STOML1: variants seen among roughly 807,000 people sequenced by gnomAD.
STOML1 encodes the protein stomatin like 1, also known as stomatin-like protein 1.
In STOML1, 27 loss-of-function variants were observed where a neutral mutation model predicts 35.7. The observed-to-expected ratio is 0.76, with a 90% CI of 0.56 to 1.04. The LOEUF (loss-of-function observed/expected upper bound fraction) is 1.04. Ranked by LOEUF, STOML1 falls within the 50% of genes least tolerant of loss-of-function variation. The pLI, the probability that STOML1 is intolerant of heterozygous loss-of-function variation, is 0.00. For synonymous variants in STOML1, 219 were observed against 227.9 expected (o/e 0.96, Z 0.35); for missense variants, 451 against 527.1 (o/e 0.86, Z 1.41).
chr15:73,984,478 G>A (rs200088252), intron 6 of STOML1, among the ~76,000 whole-genome samples, 181 bp downstream of exon 6: 4 of 152,220 alleles, frequency 2.6e-5, no homozygotes, highest in South Asian at 2.1e-4. Flanking sequence ...ATTGTCCTGC[G>A]GATGGCGGGG....
At chr15:73,989,370 A>G in intron 2 of STOML1, 113 bp from the exon 3 acceptor site, 1 of 1,270,794 alleles carries the variant, frequency 7.9e-7, no homozygotes, top group South Asian at 1.9e-5. Flanking sequence ...ACAGTTAGGT[A>G]TCCCTAGCAC....
chr15:73,985,331 C>T lies in STOML1; in HGVS notation c.777G>A (p.Pro259=), dbSNP rs150277815. The change falls in exon 5 of 7, where the codon CCG becomes CCA. Residue 259 remains proline (P), a synonymous_variant. Transcript: ENST00000541638. ...AGGGCTCCTCACCTGGCCCCGGGGA[C>T]GGGGCACCTCCTGCCATTGAGTTCA... ...GSMNSMAGGA[P]SPGPADTVEM... 2.3e-5 allele frequency: 35 copies of T among 1,533,970 alleles called. No homozygotes were observed. The Admixed American group carries it at 3.2e-4, about 14-fold the overall frequency.
intron 1 of STOML1, chr15:73,991,570 A>G (rs1358281174): frequency 4.4e-6 from 2 of 456,584 alleles, no homozygotes; most frequent in Non-Finnish European, 8.8e-6. Flanking sequence ...CAAAGGAGCC[A>G]CAGAAGACTT....
At position 73,989,205 on chromosome 15, in the gene STOML1, G is replaced by A; in HGVS notation, c.293C>T (p.Thr98Ile). ...CAGAACCATGCCAGGTCCCTGGGGG[G>A]TGCGGATCCGGCCCAGGCGGAACAC... is the stretch of plus-strand genomic sequence containing the variant. The part of the protein sequence containing the change: ...MIVFRLGRIR[T>I]PQGPGMVLLL... Residue 98 changes from threonine to isoleucine, a missense_variant, in exon 3 of 7, where the codon ACC (threonine) becomes ATC (isoleucine). Coordinates refer to ENST00000541638, the MANE Select transcript of STOML1 (RefSeq NM_004809.5). The A allele has an allele frequency of 6.8e-6, 11 of 1,611,798 alleles. No homozygotes were observed. The highest frequency in any genetic ancestry group is 1.3e-5 in the African/African-American group (1 of 74,998).
chr15:73,991,096 G>T, intron 1 of STOML1: 1 of 774,496 alleles, frequency 1.3e-6, no homozygotes, highest in Non-Finnish European at 1.6e-6. Context: ...CCAGCCTGGG[G>T]GACAGAGCGA....
In STOML1 at chr15:73,992,047, C is replaced by A. The variant is rs1355489660; in HGVS notation, c.133+44G>T. The A allele has an allele frequency of 7.2e-6, 11 of 1,517,432 alleles. No individual in the cohort carries two copies. The East Asian group carries it at 2.5e-4, about 35-fold the overall frequency. The allele number at this position is 1,517,432 out of a possible 1,614,324, so 94.0% of individuals were successfully genotyped here. ...GGCAGAGATTCGGGCCTGGGGGTTG[C>A]CGGCCGGTCCCCCCCGGCTCCGCCG... On this transcript the variant is annotated intron_variant, in intron 1 of 6. Coordinates refer to ENST00000541638, the MANE Select transcript of STOML1 (RefSeq NM_004809.5).
intron 1 of STOML1, 93 bp downstream of exon 1, chr15:73,991,998 C>A: frequency 6.9e-7 from 1 of 1,451,210 alleles, no homozygotes. Context: ...GGTGCGACGG[C>A]ACCGGGCCGG....
At chr15:73,986,368 T>C (rs2069102048) in intron 4 of STOML1, 1 of 151,122 alleles carries the variant, frequency 6.6e-6, no homozygotes, top group Non-Finnish European at 1.5e-5. Context: ...TTTTTACTAC[T>C]GTAAGCTTGA....
In STOML1 at chr15:73,982,119, T is replaced by C. The variant is rs1256976996; in HGVS notation, c.*1818A>G. ...TTCCTGGGCAGCCCTTCATATACTG[T>C]GTAATAGCAATGGAAGGAATCCACA... On this transcript the variant is annotated 3_prime_UTR_variant, in exon 7 of 7. Transcript: ENST00000541638. 6.6e-6 allele frequency: 1 copy of C among 152,194 alleles called. No homozygotes were observed. Among genetic ancestry groups the C allele is most frequent in the Non-Finnish European group, 1.5e-5 (1 of 68,126 alleles). 9.4% of individuals were successfully genotyped at this position (152,194 alleles called of 1,614,324 possible). A position where few individuals can be genotyped will look rare whatever the true frequency, so the allele number is the denominator to read the frequency against.
upstream of STOML1, among the ~76,000 whole-genome samples, chr15:73,992,903 A>C (rs890655667): frequency 1.3e-5 from 2 of 152,172 alleles, no homozygotes; most frequent in Non-Finnish European, 2.9e-5. Flanking sequence ...GACATGCCAT[A>C]TCTGGACTTT....
At chr15:73,991,842 G>T in intron 1 of STOML1, 1 of 615,810 alleles carries the variant, frequency 1.6e-6, no homozygotes, top group Non-Finnish European at 2.9e-6. Flanking sequence ...AATGTGGTGA[G>T]GTGAGGTTTT....
At chr15:73,994,528 C>A, upstream of STOML1, 1 of 525,458 alleles carries the variant, frequency 1.9e-6, no homozygotes, top group Non-Finnish European at 3.5e-6. Context: ...CCCTGCAGCT[C>A]TGCCCTACCT....
upstream of STOML1, among the ~76,000 whole-genome samples, chr15:73,993,028 C>G (rs142439864): frequency 1.0e-3 from 155 of 152,244 alleles, no homozygotes; most frequent in African/African-American, 3.3e-3. Flanking sequence ...ATGGCCTGGC[C>G]AGGTCACCGT....
chr15:73,989,943 C>T (rs1295116082), intron 2 of STOML1: 1 of 180,076 alleles, frequency 5.6e-6, no homozygotes, highest in African/African-American at 2.4e-5. Context: ...CTCCATGGTT[C>T]ATCCTTTTCC....
chr15:73,992,073 T>C lies in STOML1; in HGVS notation c.133+18A>G. ...CGGCCGGTCCCCCCCGGCTCCGCCG[T>C]GCCAGGCGGCCACTCACCGGCCCCT... is the stretch of plus-strand genomic sequence containing the variant. On this transcript the variant is annotated intron_variant, in intron 1 of 6. Coordinates refer to ENST00000541638, the MANE Select transcript of STOML1 (RefSeq NM_004809.5). 6.4e-7 allele frequency: 1 copy of C among 1,562,490 alleles called. No individual in the cohort carries two copies. The highest frequency in any genetic ancestry group is 8.6e-7 in the Non-Finnish European group (1 of 1,156,774).
intron 5 of STOML1, 90 bp downstream of exon 5, chr15:73,985,228 G>T (rs2069052650): frequency 7.4e-7 from 1 of 1,352,860 alleles, no homozygotes; most frequent in Non-Finnish European, 9.9e-7. Context: ...TGCAGGGTGT[G>T]TACTGCACAG....
rs1157521180 is a variant in STOML1 at position 73,980,013 on chromosome 15, G to A, written c.*3924C>T. ...CAATCACTGCACTGCACTCCAGCCT[G>A]GGAGACAGAGTGAGACCCTGTCTCA... is the stretch of plus-strand genomic sequence containing the variant. On this transcript the variant is annotated 3_prime_UTR_variant, in exon 7 of 7. Coordinates refer to ENST00000541638, the MANE Select transcript of STOML1 (RefSeq NM_004809.5). 2 of 151,328 alleles carry A rather than the reference G, an allele frequency of 1.3e-5. No individual in the cohort carries two copies. The highest frequency in any genetic ancestry group is 4.9e-5 in the African/African-American group (2 of 41,176). 9.4% of individuals were successfully genotyped at this position (151,328 alleles called of 1,614,324 possible).
chr15:73,989,299 T>C (rs772982476), intron 2 of STOML1, 42 bp from the exon 3 acceptor site: 5 of 1,520,786 alleles, frequency 3.3e-6, no homozygotes, highest in Non-Finnish European at 4.4e-6. Context: ...GTGGTCAGCC[T>C]AGGCTGGCCA....
Position 73,981,804 on chromosome 15 carries a change from T to C in STOML1, c.*2133A>G. 6.6e-6 allele frequency: 1 copy of C among 152,536 alleles called. No homozygotes were observed. Among genetic ancestry groups the C allele is most frequent in the Non-Finnish European group, 1.5e-5 (1 of 68,192 alleles). The allele number at this position is 152,536 out of a possible 1,614,324, so 9.4% of individuals were successfully genotyped here. ...TAGGTGGCCCTTGTCCTTCCTCCCC[T>C]GTGGACTGCAGGGTCTGCTCAGTCC... On this transcript the variant is annotated 3_prime_UTR_variant, in exon 7 of 7. Transcript: ENST00000541638.
Sources: gnomAD v4.1 joint callset for allele counts (sites outside exome capture counted in the v4.1 genomes callset) on GRCh38, gnomAD v4.1.1 for gene constraint, MANE v1.5 for transcripts, NCBI Gene and HGNC (gene_info 2026-07-23, HGNC 2026-07-21) for gene names.